The following B4GALT6 variants were observed in gnomAD, a reference collection of about 807,000 sequenced individuals.
B4GALT6 encodes UDP-Gal:beta-GlcNAc beta-1,4-galactosyltransferase 6.
B4GALT6 carries 14 observed loss-of-function variants against 46.3 expected under a neutral mutation model. The observed-to-expected ratio is 0.30, with a 90% CI of 0.20 to 0.47. The LOEUF (loss-of-function observed/expected upper bound fraction) is 0.47. Among genes scored for constraint, B4GALT6 ranks in the 20% least tolerant of loss-of-function variants. B4GALT6 has a pLI of 0.99. For synonymous variants in B4GALT6, 168 were observed against 162.0 expected (o/e 1.04, Z -0.28); for missense variants, 386 against 480.1 (o/e 0.80, Z 1.83).
intron 3 of B4GALT6, among the ~76,000 whole-genome samples, chr18:31,645,846 A>G (rs1388005256): frequency 6.6e-6 from 1 of 152,180 alleles, no homozygotes; most frequent in East Asian, 1.9e-4. Flanking sequence ...TAATTTTAAC[A>G]TTTTCAACAC....
At chr18:31,702,155 C>T in the B4GALT6 span, among the ~76,000 whole-genome samples, 1 of 152,292 alleles carries the variant, frequency 6.6e-6, no homozygotes, top group Non-Finnish European at 1.5e-5. Context: ...AAATAATACG[C>T]TATAATGGCA....
chr18:31,721,332 TA>T, the B4GALT6 span, among the ~76,000 whole-genome samples: 8 of 151,196 alleles, frequency 5.3e-5, no homozygotes, highest in African/African-American at 1.9e-4. Flanking sequence ...ACTTAAAGTA[TA>T]AAAAAAAACC....
intron 2 of B4GALT6, among the ~76,000 whole-genome samples, chr18:31,663,247 C>T (rs545422726): frequency 6.6e-6 from 1 of 152,200 alleles, no homozygotes; most frequent in Admixed American, 6.5e-5. Flanking sequence ...GTGTTAGAAA[C>T]CGATGAGAGT....
chr18:31,695,378 C>T, the B4GALT6 span, among the ~76,000 whole-genome samples: 8 of 151,982 alleles, frequency 5.3e-5, no homozygotes, highest in Non-Finnish European at 1.2e-4. Flanking sequence ...AATATTGTCC[C>T]CACAGTCAGG....
At chr18:31,672,171 A>G (rs1484739806) in intron 1 of B4GALT6, among the ~76,000 whole-genome samples, 1 of 152,202 alleles carries the variant, frequency 6.6e-6, no homozygotes, top group African/African-American at 2.4e-5. Flanking sequence ...CAGGACACCA[A>G]CGCAGCATCC....
chr18:31,634,435 T>C (rs1430831589), intron 5 of B4GALT6, among the ~76,000 whole-genome samples: 1 of 152,192 alleles, frequency 6.6e-6, no homozygotes, highest in Non-Finnish European at 1.5e-5. Flanking sequence ...GAGACAGAGG[T>C]GTGTCCAGCA....
the B4GALT6 span, among the ~76,000 whole-genome samples, chr18:31,691,479 A>G: frequency 6.6e-6 from 1 of 151,908 alleles, no homozygotes; most frequent in African/African-American, 2.4e-5. Context: ...GAAAGATAGT[A>G]TACTATGAAA....
intron 3 of B4GALT6, among the ~76,000 whole-genome samples, chr18:31,651,289 T>C (rs143953351): frequency 6.6e-6 from 1 of 152,258 alleles, no homozygotes; most frequent in East Asian, 1.9e-4. Context: ...CGTAAGCATA[T>C]AGATTAATCC....
chr18:31,686,611 T>G (rs2029929093), upstream of B4GALT6: 1 of 152,242 alleles, frequency 6.6e-6, no homozygotes, highest in African/African-American at 2.4e-5. Flanking sequence ...CTGGCTAATT[T>G]GATGTTTAAT....
Position 31,624,317 on chromosome 18 carries a change from C to T in B4GALT6, c.*1297G>A, listed in dbSNP as rs2144455641. The T allele has an allele frequency of 6.6e-6, 1 of 151,860 alleles. No individual in the cohort carries two copies. Among genetic ancestry groups the T allele is most frequent in the East Asian group, 1.9e-4 (1 of 5,186 alleles). The allele number at this position is 151,860 out of a possible 1,614,324, so 9.4% of individuals were successfully genotyped here. Reference sequence around the variant, plus strand: ...TATAGAAGACATTATAATATCAGCGCACTGAATACTGATCATGTATTTTAA... The same window carrying T: ...TATAGAAGACATTATAATATCAGCGTACTGAATACTGATCATGTATTTTAA... On this transcript the variant is annotated 3_prime_UTR_variant, in exon 9 of 9. Coordinates refer to ENST00000306851, the MANE Select transcript of B4GALT6 (RefSeq NM_004775.5).
chr18:31,632,958 C>T (rs2144517536), intron 5 of B4GALT6, among the ~76,000 whole-genome samples: 1 of 152,238 alleles, frequency 6.6e-6, no homozygotes, highest in South Asian at 2.1e-4. Flanking sequence ...GGGTCGTCTT[C>T]ATTCCCTAAA....
intron 5 of B4GALT6, among the ~76,000 whole-genome samples, chr18:31,632,782 A>C (rs2073807746): frequency 6.6e-6 from 1 of 152,214 alleles, no homozygotes; most frequent in Non-Finnish European, 1.5e-5. Context: ...AGTTTTCTAT[A>C]TAACTATTAT....
At chr18:31,639,918 G>C (rs1273314446) in intron 4 of B4GALT6, among the ~76,000 whole-genome samples, 1 of 152,068 alleles carries the variant, frequency 6.6e-6, no homozygotes, top group Non-Finnish European at 1.5e-5. Flanking sequence ...ATACAATCTA[G>C]ATCTCCTTAT....
the B4GALT6 span, among the ~76,000 whole-genome samples, chr18:31,721,809 C>G: frequency 6.6e-6 from 1 of 152,130 alleles, no homozygotes; most frequent in African/African-American, 2.4e-5. Context: ...TCCTGCCTTA[C>G]AGATTTCAGA....
chr18:31,696,229 G>T, the B4GALT6 span, among the ~76,000 whole-genome samples: 1 of 152,188 alleles, frequency 6.6e-6, no homozygotes, highest in Non-Finnish European at 1.5e-5. Context: ...TGAGATAATT[G>T]AGCAAAGTAA....
At chr18:31,671,173 T>A (rs1353024602) in intron 1 of B4GALT6, among the ~76,000 whole-genome samples, 1 of 152,186 alleles carries the variant, frequency 6.6e-6, no homozygotes, top group African/African-American at 2.4e-5. Context: ...TGGTTCCAAG[T>A]CTTTGCTATT....
intron 8 of B4GALT6, among the ~76,000 whole-genome samples, 196 bp downstream of exon 8, chr18:31,626,087 A>G (rs1442507666): frequency 6.6e-6 from 1 of 151,784 alleles, no homozygotes; most frequent in African/African-American, 2.4e-5. Context: ...TTATTAATGT[A>G]TATATACGTA....
chr18:31,649,355 C>G (rs992307477), intron 3 of B4GALT6, among the ~76,000 whole-genome samples: 1 of 152,134 alleles, frequency 6.6e-6, no homozygotes, highest in Admixed American at 6.5e-5. Context: ...AAGGGCAATG[C>G]CTGGACACAG....
At chr18:31,674,610 A>G (rs1421024230) in intron 1 of B4GALT6, among the ~76,000 whole-genome samples, 4 of 152,204 alleles carry the variant, frequency 2.6e-5, no homozygotes, top group African/African-American at 9.6e-5. Context: ...TCTTCTAAGT[A>G]TCTGTTTCTG....
Sources: allele counts gnomAD v4.1 joint callset (sites outside exome capture counted in the v4.1 genomes callset), GRCh38; gene constraint gnomAD v4.1.1; transcripts MANE v1.5; gene names NCBI Gene and HGNC (gene_info 2026-07-23, HGNC 2026-07-21).